The following STK39 variants were observed in gnomAD, a reference collection of about 807,000 sequenced individuals.
The protein encoded by STK39 is serine/threonine kinase 39.
STK39 carries 20 observed loss-of-function variants against 77.8 expected under a neutral mutation model. That is an observed-to-expected ratio of 0.26 (90% confidence interval 0.18 to 0.37). The LOEUF (loss-of-function observed/expected upper bound fraction) is 0.37. STK39 is among the 10% of genes least tolerant of loss of function. The probability of loss-of-function intolerance (pLI) is 1.00; values close to 1 mark genes in which losing one functional copy is unlikely to be tolerated. For missense variants in STK39, 479 were observed against 656.5 expected (o/e 0.73, Z 2.95); for synonymous variants, 246 against 234.1 (o/e 1.05, Z -0.47).
intron 14 of STK39, among the ~76,000 whole-genome samples, chr2:168,019,870 AT>A (rs1371616399): frequency 2.6e-5 from 4 of 151,822 alleles, no homozygotes; most frequent in African/African-American, 7.3e-5. Flanking sequence ...CGCCCAGCTA[AT>A]TTTTTGTATT....
intron 2 of STK39, among the ~76,000 whole-genome samples, chr2:168,170,324 C>T (rs1481447726): frequency 6.6e-6 from 1 of 152,208 alleles, no homozygotes; most frequent in Non-Finnish European, 1.5e-5. Flanking sequence ...TTGTTTGTCC[C>T]TATCCCTAAA....
chr2:168,174,775 T>A (rs1043272922), intron 2 of STK39, among the ~76,000 whole-genome samples: 3 of 144,996 alleles, frequency 2.1e-5, no homozygotes, highest in Non-Finnish European at 3.0e-5. Flanking sequence ...GGTAGAAGGA[T>A]CACTTGAGCC....
At chr2:168,102,744 A>G (rs1241602714) in intron 10 of STK39, among the ~76,000 whole-genome samples, 1 of 151,966 alleles carries the variant, frequency 6.6e-6, no homozygotes, top group African/African-American at 2.4e-5. Flanking sequence ...CCTGGCTAAC[A>G]CGGTGAAACC....
At chr2:168,080,117 G>A (rs1574448189) in intron 10 of STK39, among the ~76,000 whole-genome samples, 1 of 152,168 alleles carries the variant, frequency 6.6e-6, no homozygotes, top group Non-Finnish European at 1.5e-5. Flanking sequence ...TGGAGCAAAG[G>A]TGGCTCTTGT....
At chr2:168,052,175 A>AT (rs2105368296) in intron 14 of STK39, among the ~76,000 whole-genome samples, 1 of 152,208 alleles carries the variant, frequency 6.6e-6, no homozygotes, top group East Asian at 1.9e-4. Context: ...AGGGCAGGGA[A>AT]TGCTCGCGCA....
chr2:168,047,637 T>G (rs1018099803), intron 14 of STK39, among the ~76,000 whole-genome samples: 3 of 152,162 alleles, frequency 2.0e-5, no homozygotes, highest in African/African-American at 4.8e-5. Context: ...GACTGAAAAG[T>G]CATCTTCAAG....
intron 8 of STK39, among the ~76,000 whole-genome samples, chr2:168,130,836 T>C (rs1168174274): frequency 1.3e-5 from 2 of 151,820 alleles, no homozygotes; most frequent in Non-Finnish European, 2.9e-5. Flanking sequence ...ATAACGGGAG[T>C]ATAGGGTTGC....
At chr2:168,024,716 G>A (rs1684653820) in intron 14 of STK39, among the ~76,000 whole-genome samples, 2 of 152,228 alleles carry the variant, frequency 1.3e-5, no homozygotes, top group Admixed American at 1.3e-4. Context: ...TAAGACAACA[G>A]CATTTCCTAT....
At chr2:168,136,490 TACACTA>T (rs2105521858) in intron 8 of STK39, among the ~76,000 whole-genome samples, 1 of 152,314 alleles carries the variant, frequency 6.6e-6, no homozygotes, top group South Asian at 2.1e-4. Context: ...TATCATTAAG[TACACTA>T]ACGATTCTAC....
At chr2:168,224,919 T>C (rs1338135342) in intron 1 of STK39, among the ~76,000 whole-genome samples, 1 of 152,224 alleles carries the variant, frequency 6.6e-6, no homozygotes, top group Non-Finnish European at 1.5e-5. Flanking sequence ...TCAGATTACA[T>C]TTCAAGTGAT....
chr2:168,122,159 T>C (rs1485217671), intron 10 of STK39, among the ~76,000 whole-genome samples: 1 of 152,156 alleles, frequency 6.6e-6, no homozygotes, highest in East Asian at 1.9e-4. Context: ...GCCCAGTAAG[T>C]TGTTTTTCGA....
At chr2:168,002,650 T>C (rs1056607890) in intron 16 of STK39, among the ~76,000 whole-genome samples, 9 of 152,236 alleles carry the variant, frequency 5.9e-5, no homozygotes, top group African/African-American at 1.9e-4. Context: ...GTATGGGCAC[T>C]CTCTTGTGCT....
chr2:167,970,552 C>A (rs1453700297), intron 16 of STK39, among the ~76,000 whole-genome samples: 2 of 152,218 alleles, frequency 1.3e-5, no homozygotes, highest in African/African-American at 4.8e-5. Flanking sequence ...AAGAACTATT[C>A]CTGTTTTGGA....
At chr2:168,005,559 T>C (rs1684110627) in intron 16 of STK39, among the ~76,000 whole-genome samples, 1 of 152,232 alleles carries the variant, frequency 6.6e-6, no homozygotes, top group Admixed American at 6.5e-5. Flanking sequence ...TTATCCAACA[T>C]ATTTATTTAT....
At chr2:168,220,168 G>A (rs1173968966) in intron 1 of STK39, among the ~76,000 whole-genome samples, 2 of 152,124 alleles carry the variant, frequency 1.3e-5, no homozygotes, top group East Asian at 1.9e-4. Flanking sequence ...CAATCCTCCT[G>A]CCTCAGCCTC....
chr2:168,242,141 C>A (rs549486871), intron 1 of STK39, among the ~76,000 whole-genome samples: 2 of 152,244 alleles, frequency 1.3e-5, no homozygotes, highest in East Asian at 3.9e-4. Flanking sequence ...ATCTCTCCCC[C>A]CAGCCCCATG....
At chr2:168,224,237 G>T (rs1214041765) in intron 1 of STK39, among the ~76,000 whole-genome samples, 1 of 151,948 alleles carries the variant, frequency 6.6e-6, no homozygotes, top group Non-Finnish European at 1.5e-5. Context: ...CTTTCTTAGA[G>T]CACTGTTATG....
intron 14 of STK39, among the ~76,000 whole-genome samples, chr2:168,044,992 A>G (rs1685201682): frequency 6.6e-6 from 1 of 152,204 alleles, no homozygotes; most frequent in South Asian, 2.1e-4. Flanking sequence ...AAAGAAAAGC[A>G]TTCAGTGAAC....
At chr2:168,243,794 C>T (rs1451949985) in intron 1 of STK39, among the ~76,000 whole-genome samples, 1 of 152,158 alleles carries the variant, frequency 6.6e-6, no homozygotes, top group Non-Finnish European at 1.5e-5. Context: ...CCCTGTTTAG[C>T]AAATCTAGGT....
Sources: gnomAD v4.1 joint callset for allele counts (sites outside exome capture counted in the v4.1 genomes callset) on GRCh38, gnomAD v4.1.1 for gene constraint, MANE v1.5 for transcripts, NCBI Gene and HGNC (gene_info 2026-07-23, HGNC 2026-07-21) for gene names.